TAS2R1: variants seen among roughly 807,000 people sequenced by gnomAD.
TAS2R1 encodes taste 2 receptor member 1.
For missense variants in TAS2R1, 370 were observed against 353.4 expected (o/e 1.05, Z -0.38); for synonymous variants, 141 against 134.2 (o/e 1.05, Z -0.35).
chr5:9,718,186 G>A, the TAS2R1 span, among the ~76,000 whole-genome samples: 16 of 150,434 alleles, frequency 1.1e-4, no homozygotes, highest in South Asian at 1.0e-3. Flanking sequence ...GGCCAGGATC[G>A]TCTTGATCTC....
At chr5:9,693,890 C>T (rs1220154041) in intron 1 of TAS2R1, among the ~76,000 whole-genome samples, 2 of 152,140 alleles carry the variant, frequency 1.3e-5, no homozygotes, top group African/African-American at 4.8e-5. Flanking sequence ...AGTTGTTATG[C>T]TCAACAACAA....
chr5:9,666,997 A>T (rs1166094516), intron 1 of TAS2R1, among the ~76,000 whole-genome samples: 1 of 152,216 alleles, frequency 6.6e-6, no homozygotes, highest in Non-Finnish European at 1.5e-5. Context: ...AAAAAAGATA[A>T]AAAAGGTCCT....
the TAS2R1 span, among the ~76,000 whole-genome samples, chr5:9,899,689 CAAG>C: frequency 6.6e-6 from 1 of 151,062 alleles, no homozygotes; most frequent in East Asian, 1.9e-4. Flanking sequence ...CAGCCTCTCA[CAAG>C]AAGACAAAAA....
At chr5:9,777,436 T>C in the TAS2R1 span, among the ~76,000 whole-genome samples, 3 of 152,248 alleles carry the variant, frequency 2.0e-5, no homozygotes, top group Non-Finnish European at 4.4e-5. Flanking sequence ...AGTTTGATCA[T>C]GACATTGAAG....
chr5:9,763,353 A>C, the TAS2R1 span, among the ~76,000 whole-genome samples: 1 of 152,122 alleles, frequency 6.6e-6, no homozygotes. Context: ...AAATACAAAA[A>C]TTAGCTGGGC....
upstream of TAS2R1, chr5:9,712,337 G>C (rs1422384192): frequency 3.3e-5 from 5 of 152,188 alleles, no homozygotes; most frequent in African/African-American, 1.2e-4. Context: ...ATTATATGCT[G>C]ACTTGGCTGG....
the TAS2R1 span, among the ~76,000 whole-genome samples, chr5:9,747,984 T>C: frequency 1.3e-5 from 2 of 152,024 alleles, no homozygotes; most frequent in African/African-American, 2.4e-5. Context: ...ATAAAAAACA[T>C]GTCTTCACTG....
chr5:9,826,803 C>T, the TAS2R1 span, among the ~76,000 whole-genome samples: 11 of 151,334 alleles, frequency 7.3e-5, no homozygotes, highest in Non-Finnish European at 1.5e-4. Context: ...TTACTGGTCA[C>T]CCCTCCTTCT....
intron 1 of TAS2R1, among the ~76,000 whole-genome samples, chr5:9,711,187 C>T (rs996628345): frequency 6.6e-6 from 1 of 151,910 alleles, no homozygotes; most frequent in Non-Finnish European, 1.5e-5. Context: ...GAACTGAAAT[C>T]AGGATCTCAA....
chr5:9,702,388 T>G (rs1193173002), intron 1 of TAS2R1, among the ~76,000 whole-genome samples: 1 of 152,124 alleles, frequency 6.6e-6, no homozygotes, highest in South Asian at 2.1e-4. Flanking sequence ...GCAACTGGCA[T>G]CTAGGTAAAG....
chr5:9,650,535 AGCACACCAAG>A (rs1441713979), intron 2 of TAS2R1, among the ~76,000 whole-genome samples: 1 of 152,182 alleles, frequency 6.6e-6, no homozygotes, highest in Admixed American at 6.5e-5. Flanking sequence ...TGTTGGACAC[AGCACACCAAG>A]GCCAGGGTGG....
At chr5:9,887,303 T>C in the TAS2R1 span, among the ~76,000 whole-genome samples, 1 of 152,220 alleles carries the variant, frequency 6.6e-6, no homozygotes, top group Non-Finnish European at 1.5e-5. Flanking sequence ...TATACAACCA[T>C]ATTAGTGCAA....
At chr5:9,670,002 C>T (rs1021635796) in intron 1 of TAS2R1, among the ~76,000 whole-genome samples, 1 of 151,848 alleles carries the variant, frequency 6.6e-6, no homozygotes, top group Non-Finnish European at 1.5e-5. Context: ...ATTGTTAGAC[C>T]ACTAGCTAGA....
Position 9,666,483 on chromosome 5 carries a change from G to A in TAS2R1, c.-241-6902C>T, listed in dbSNP as rs575321235. Among the ~76,000 whole-genome samples the A allele has an allele frequency of 2.0e-5, 3 of 152,274 alleles. No homozygotes were observed. In the South Asian group the frequency reaches 6.2e-4, roughly 32 times the overall value. On this transcript the variant is annotated intron_variant, in intron 1 of 2. Transcript: ENST00000506620. Reference sequence around the variant, plus strand: ...GGGAGGAACAAGGGGCTTCATCAATGAAAGAGCATCCAGGAATTTATCAGA... The same window carrying A: ...GGGAGGAACAAGGGGCTTCATCAATAAAAGAGCATCCAGGAATTTATCAGA...
the TAS2R1 span, among the ~76,000 whole-genome samples, chr5:9,866,281 A>G: frequency 6.6e-6 from 1 of 152,138 alleles, no homozygotes; most frequent in Non-Finnish European, 1.5e-5. Context: ...TTCATCTTGT[A>G]ATTGTATTTC....
At chr5:9,773,978 C>T in the TAS2R1 span, among the ~76,000 whole-genome samples, 1 of 152,140 alleles carries the variant, frequency 6.6e-6, no homozygotes, top group Admixed American at 6.5e-5. Context: ...GCAAAATTTT[C>T]TGTTATTACC....
At chr5:9,745,807 T>C in the TAS2R1 span, among the ~76,000 whole-genome samples, 5 of 151,882 alleles carry the variant, frequency 3.3e-5, no homozygotes, top group African/African-American at 1.2e-4. Context: ...CCCAAAACCA[T>C]AAAAACCCTA....
intron 2 of TAS2R1, among the ~76,000 whole-genome samples, chr5:9,649,231 C>T (rs1008522468): frequency 2.6e-5 from 4 of 152,282 alleles, no homozygotes; most frequent in African/African-American, 9.6e-5. Flanking sequence ...ATGTGTACCA[C>T]TAGCAGTGTG....
At chr5:9,724,935 TTAAGCCCTGGAAATAC>T in the TAS2R1 span, among the ~76,000 whole-genome samples, 3 of 152,234 alleles carry the variant, frequency 2.0e-5, no homozygotes. Flanking sequence ...AGTGTGTGCA[TTAAGCCCTGGAAATAC>T]TGGAGGCATT....
Sources: gnomAD v4.1 joint callset for allele counts (sites outside exome capture counted in the v4.1 genomes callset) on GRCh38, gnomAD v4.1.1 for gene constraint, MANE v1.5 for transcripts, NCBI Gene and HGNC (gene_info 2026-07-23, HGNC 2026-07-21) for gene names.